HELZ: variants seen among roughly 807,000 people sequenced by gnomAD.
HELZ encodes helicase with zinc finger, also known as ATP-dependent RNA helicase with zinc finger domain.
In HELZ, 23 loss-of-function variants were observed where a neutral mutation model predicts 218.2. The observed-to-expected ratio is 0.11, with a 90% CI of 0.08 to 0.15. The LOEUF is 0.15. HELZ is among the 10% of genes least tolerant of loss of function. The pLI is 1.00. For missense variants in HELZ, 1,813 were observed against 2,353.7 expected, an observed-to-expected ratio of 0.77 and a Z score of 4.75; for synonymous variants, 814 against 829.4, an observed-to-expected ratio of 0.98 and a Z score of 0.32.
chr17:67,212,013 T>C (rs1358506822), intron 5 of HELZ, among the ~76,000 whole-genome samples: 1 of 151,918 alleles, frequency 6.6e-6, no homozygotes, highest in Non-Finnish European at 1.5e-5. Flanking sequence ...CAATGAGGCA[T>C]GTTGAGAGTT....
intron 26 of HELZ, 82 bp downstream of exon 26, chr17:67,122,888 A>G (rs2037659347): frequency 1.0e-6 from 1 of 997,388 alleles, no homozygotes; most frequent in East Asian, 2.5e-5. Flanking sequence ...AGAAGTTGGT[A>G]GAATGCTATT....
Position 67,123,073 on chromosome 17 carries a change from T to G in HELZ, c.3527A>C (p.Lys1176Thr). The change falls in exon 26 of 33, where the codon AAA (lysine) becomes ACA (threonine). Residue 1176 changes from lysine (K) to threonine (T), a missense_variant. By Grantham distance (78) the Lys-to-Thr change is moderately conservative. Around this residue, in one of 4 missense-constraint regions of HELZ, gnomAD observed 938 missense variants for 1,027.5 expected, o/e 0.91. Transcript: ENST00000358691. ...TATTCTTTGAACAGGGCTTGGAGATTTTCCCAAATTTGGGTGAGGTCCAAG... is the reference window on the plus strand; with the variant it reads ...TATTCTTTGAACAGGGCTTGGAGATGTTCCCAAATTTGGGTGAGGTCCAAG... Reference protein sequence around the residue: ...PPLGPHPNLGKSPSPVQRIDP... With the variant: ...PPLGPHPNLGTSPSPVQRIDP... 1 of 1,613,484 alleles carries G rather than the reference T, an allele frequency of 6.2e-7. No homozygotes were observed.
chr17:67,091,081 C>G (rs1223444688), intron 31 of HELZ, among the ~76,000 whole-genome samples: 2 of 151,994 alleles, frequency 1.3e-5, no homozygotes, highest in Non-Finnish European at 2.9e-5. Flanking sequence ...ATGGCTTGAG[C>G]TGCATTACAC....
intron 13 of HELZ, among the ~76,000 whole-genome samples, chr17:67,170,551 G>A (rs1383160520): frequency 6.6e-6 from 1 of 152,012 alleles, no homozygotes; most frequent in African/African-American, 2.4e-5. Flanking sequence ...AGGAGGCCAG[G>A]CATGGGGGCT....
chr17:67,212,443 T>C (rs1292722829), intron 5 of HELZ, among the ~76,000 whole-genome samples: 1 of 150,948 alleles, frequency 6.6e-6, no homozygotes, highest in Non-Finnish European at 1.5e-5. Flanking sequence ...TACGAAACTA[T>C]AATTAACAGA....
intron 17 of HELZ, among the ~76,000 whole-genome samples, chr17:67,155,394 G>GC (rs2144077352): frequency 6.6e-6 from 1 of 152,244 alleles, no homozygotes; most frequent in South Asian, 2.1e-4. Context: ...TGTTGTGGCA[G>GC]GTATTTACAG....
intron 31 of HELZ, among the ~76,000 whole-genome samples, chr17:67,089,325 G>A (rs920896773): frequency 1.3e-5 from 2 of 152,002 alleles, no homozygotes; most frequent in Non-Finnish European, 2.9e-5. Context: ...GAACCAGAAA[G>A]CTTAAAGGAA....
intron 5 of HELZ, among the ~76,000 whole-genome samples, chr17:67,204,750 C>T (rs1309755712): frequency 1.3e-5 from 2 of 152,014 alleles, no homozygotes; most frequent in Non-Finnish European, 2.9e-5. Flanking sequence ...ATCCATATTA[C>T]AGATCACTCA....
chr17:67,132,957 A>T (rs2038031740), intron 23 of HELZ, among the ~76,000 whole-genome samples: 1 of 152,212 alleles, frequency 6.6e-6, no homozygotes, highest in South Asian at 2.1e-4. Flanking sequence ...CCATTTTTAC[A>T]GGACCCAAGA....
At chr17:67,139,258 A>C (rs1006578145) in intron 21 of HELZ, among the ~76,000 whole-genome samples, 1 of 152,202 alleles carries the variant, frequency 6.6e-6, no homozygotes, top group African/African-American at 2.4e-5. Flanking sequence ...TACAGCAGCA[A>C]GTGTATCACA....
chr17:67,168,773 G>A (rs1407079041), intron 13 of HELZ, among the ~76,000 whole-genome samples: 2 of 152,144 alleles, frequency 1.3e-5, no homozygotes, highest in Non-Finnish European at 2.9e-5. Flanking sequence ...AGGCAGCACA[G>A]AGAATCAAGA....
intron 15 of HELZ, among the ~76,000 whole-genome samples, chr17:67,164,459 G>C (rs902411315): frequency 6.6e-6 from 1 of 152,126 alleles, no homozygotes; most frequent in African/African-American, 2.4e-5. Flanking sequence ...CTGCAGGAAG[G>C]GGGAAATGAG....
intron 23 of HELZ, among the ~76,000 whole-genome samples, chr17:67,131,689 A>G (rs2143910788): frequency 6.6e-6 from 1 of 152,116 alleles, no homozygotes; most frequent in South Asian, 2.1e-4. Flanking sequence ...TTTATATCTC[A>G]GTTTCCTCAT....
intron 3 of HELZ, among the ~76,000 whole-genome samples, chr17:67,227,093 A>G (rs1430899762): frequency 6.6e-6 from 1 of 152,180 alleles, no homozygotes; most frequent in Non-Finnish European, 1.5e-5. Context: ...CATGTGTTAA[A>G]TTAGTAAAAC....
chr17:67,143,051 G>A lies in HELZ; in HGVS notation c.2769+2692C>T, dbSNP rs140604552. 7.6e-4 allele frequency among the ~76,000 whole-genome samples: 116 copies of A among 152,124 alleles called. 2 individuals carry two copies. Among genetic ancestry groups the A allele is most frequent in the African/African-American group, 2.6e-3 (107 of 41,526 alleles). The stretch of plus-strand genomic sequence containing the variant: ...GCTGGGATTACAGGCATGAGTCACC[G>A]CACCCGGCCAAGGAGGGACATTTAA... On this transcript the variant is annotated intron_variant, in intron 21 of 32. Transcript: ENST00000358691.
chr17:67,218,633 C>T lies in HELZ; in HGVS notation c.172G>A (p.Glu58Lys). The change falls in exon 4 of 33, where the codon GAG becomes AAG. Residue 58 changes from glutamate (E) to lysine (K), a missense_variant. Glu to Lys is a moderately conservative substitution (Grantham distance 56). This residue lies in a region of HELZ where 714 missense variants were observed against 1,029.2 expected (regional missense o/e 0.69). Transcript: ENST00000358691. ...GAGGCAATTCTGTAGAGAAGACTCT[C>T]GATTTTGATGCGTTCTATTTCCAAT... is the stretch of plus-strand genomic sequence containing the variant. Reference protein sequence around the residue: ...CPLEIERIKIESLLYRIASFL... With the variant: ...CPLEIERIKIKSLLYRIASFL... 1.2e-6 allele frequency: 2 copies of T among 1,614,154 alleles called. No homozygotes were observed. Among genetic ancestry groups the T allele is most frequent in the Non-Finnish European group, 1.7e-6 (2 of 1,180,026 alleles).
intron 12 of HELZ, among the ~76,000 whole-genome samples, chr17:67,181,915 C>T (rs6504491): frequency 0.29 from 44,780 of 152,052 alleles, 8,671 homozygotes; most frequent in African/African-American, 0.56. Flanking sequence ...ACTTACTAAA[C>T]TGATTTAATG....
chr17:67,089,647 TTATATA>T (rs371659847), intron 31 of HELZ, among the ~76,000 whole-genome samples: 26 of 54,298 alleles, frequency 4.8e-4, no homozygotes, highest in South Asian at 1.5e-3. Context: ...ATTGGAGATT[TTATATA>T]TATATATATA....
rs1368726933 is a variant in HELZ, at chr17:67,072,363, T to C, written c.*5889A>G. On this transcript the variant is annotated 3_prime_UTR_variant, in exon 33 of 33. Transcript: ENST00000358691. ...AGAAAAAAAAACAAAACTATTATTT[T>C]ATTATTTAAGGATTATCTGTGGTTT... 1 of 152,624 alleles carries C rather than the reference T, an allele frequency of 6.6e-6. No homozygotes were observed. Among genetic ancestry groups the C allele is most frequent in the Non-Finnish European group, 1.5e-5 (1 of 68,050 alleles). 9.5% of individuals were successfully genotyped at this position (152,624 alleles called of 1,614,324 possible).
Sources: allele counts gnomAD v4.1 joint callset (sites outside exome capture counted in the v4.1 genomes callset), GRCh38; gene constraint gnomAD v4.1.1; regional missense constraint gnomAD v4.1.1; transcripts MANE v1.5; gene names NCBI Gene and HGNC (gene_info 2026-07-23, HGNC 2026-07-21).